The following PIBF1 variants were observed in gnomAD, a reference collection of about 807,000 sequenced individuals.
PIBF1 encodes the protein progesterone immunomodulatory binding factor 1.
PIBF1 carries 90 observed loss-of-function variants against 112.5 expected under a neutral mutation model. That is an observed-to-expected ratio of 0.80 (90% CI 0.67 to 0.95). PIBF1 has a LOEUF of 0.95. Among genes scored for constraint, PIBF1 ranks in the 40% least tolerant of loss-of-function variants. The probability of loss-of-function intolerance (pLI) is 0.00; values close to 1 mark genes in which losing one functional copy is unlikely to be tolerated. For missense variants in PIBF1, 915 were observed against 852.3 expected, an observed-to-expected ratio of 1.07 and a Z score of -0.92; for synonymous variants, 301 against 288.6, an observed-to-expected ratio of 1.04 and a Z score of -0.44.
chr13:73,010,805 C>CTTTTCT (rs2044173426), intron 17 of PIBF1, among the ~76,000 whole-genome samples: 53 of 52,592 alleles, frequency 1.0e-3, no homozygotes, highest in African/African-American at 4.6e-3. Flanking sequence ...AAATCATTAA[C>CTTTTCT]TTTTCTTTTT....
At chr13:72,870,933 A>G (rs1361279523) in intron 10 of PIBF1, among the ~76,000 whole-genome samples, 1 of 152,060 alleles carries the variant, frequency 6.6e-6, no homozygotes, top group African/African-American at 2.4e-5. Flanking sequence ...CAGAATAAAG[A>G]GCTTTTATTT....
chr13:72,844,789 A>ACACACACACACACACACG lies in PIBF1; in HGVS notation c.1224-9257_1224-9256insACACACGCACACACACAC, dbSNP rs1594035467. ...CACACACACACACACACACACACAC[A>ACACACACACACACACACG]CACACACACACGGATGAAGTCTTAC... On this transcript the variant is annotated intron_variant, in intron 9 of 17. Transcript: ENST00000326291. 1.0e-3 allele frequency among the ~76,000 whole-genome samples: 121 copies of ACACACACACACACACACG among 119,610 alleles called. 9 individuals are homozygous for ACACACACACACACACACG. Among genetic ancestry groups the ACACACACACACACACACG allele is most frequent in the African/African-American group, 4.0e-3 (104 of 26,304 alleles). The allele number at this position is 119,610 out of a possible 152,430, so 78.5% of individuals were successfully genotyped here. A position where few individuals can be genotyped will look rare whatever the true frequency, so the allele number is the denominator to read the frequency against.
chr13:72,962,454 C>G (rs1005290636), intron 14 of PIBF1, among the ~76,000 whole-genome samples: 1 of 151,956 alleles, frequency 6.6e-6, no homozygotes, highest in Non-Finnish European at 1.5e-5. Context: ...ATAAAATTAG[C>G]CGGGCATGGT....
chr13:72,913,393 G>A (rs185567987), intron 12 of PIBF1, among the ~76,000 whole-genome samples: 1 of 152,230 alleles, frequency 6.6e-6, no homozygotes, highest in Admixed American at 6.5e-5. Flanking sequence ...GTGTGCAAAT[G>A]TCCACAACTT....
At chr13:72,959,395 T>C (rs987498118) in intron 14 of PIBF1, among the ~76,000 whole-genome samples, 2 of 152,312 alleles carry the variant, frequency 1.3e-5, no homozygotes, top group South Asian at 2.1e-4. Flanking sequence ...CAGGCCTTTT[T>C]CATTCCTAGC....
intron 10 of PIBF1, among the ~76,000 whole-genome samples, chr13:72,868,828 TAAAAAAAAA>T (rs56290400): frequency 8.8e-6 from 1 of 114,270 alleles, no homozygotes; most frequent in Non-Finnish European, 1.8e-5. Flanking sequence ...TCCCAAAAAG[TAAAAAAAAA>T]AAAAAAAAAA....
chr13:72,842,522 A>G (rs1781246013), intron 9 of PIBF1, among the ~76,000 whole-genome samples: 1 of 152,230 alleles, frequency 6.6e-6, no homozygotes, highest in Non-Finnish European at 1.5e-5. Flanking sequence ...TTAATGATAT[A>G]AACTTGAAAT....
chr13:72,904,191 AT>A (rs1185338793), intron 11 of PIBF1, among the ~76,000 whole-genome samples: 1 of 151,346 alleles, frequency 6.6e-6, no homozygotes, highest in African/African-American at 2.4e-5. Flanking sequence ...ATGAAGGTTT[AT>A]TTTACAGTTA....
chr13:72,930,516 A>G (rs2041664794), intron 13 of PIBF1, among the ~76,000 whole-genome samples: 1 of 152,208 alleles, frequency 6.6e-6, no homozygotes, highest in Non-Finnish European at 1.5e-5. Context: ...ATTGTTTCTT[A>G]AAAGTAGAAT....
At position 72,792,442 on chromosome 13, in the gene PIBF1, C is replaced by T. The variant is rs748918738; in HGVS notation, c.253-5C>T. 13 of 1,489,806 alleles carry T rather than the reference C, an allele frequency of 8.7e-6. No individual in the cohort carries two copies. The highest frequency in any genetic ancestry group is 6.3e-5 in the South Asian group (5 of 78,924). 92.3% of individuals were successfully genotyped at this position (1,489,806 alleles called of 1,614,324 possible). A position where few individuals can be genotyped will look rare whatever the true frequency, so the allele number is the denominator to read the frequency against. ...CATATAATTTATCTTTTTCTCTTTACGAAGATTGAAGAATTGGAGGAGAAA... is the reference window on the plus strand; with the variant it reads ...CATATAATTTATCTTTTTCTCTTTATGAAGATTGAAGAATTGGAGGAGAAA... On this transcript the variant is annotated splice_region_variant and splice_polypyrimidine_tract_variant and intron_variant, in intron 2 of 17. Transcript: ENST00000326291.
At chr13:72,927,996 C>T (rs4391937) in intron 13 of PIBF1, among the ~76,000 whole-genome samples, 26,138 of 75,580 alleles carry the variant, frequency 0.35, 4,010 homozygotes, top group African/African-American at 0.45. Flanking sequence ...TATACACACA[C>T]ATATATATAC....
chr13:73,003,600 T>C (rs898468684), intron 17 of PIBF1, among the ~76,000 whole-genome samples: 4 of 152,052 alleles, frequency 2.6e-5, no homozygotes, highest in Non-Finnish European at 5.9e-5. Context: ...ATTTACTGAC[T>C]ATATGCAAGA....
intron 13 of PIBF1, among the ~76,000 whole-genome samples, chr13:72,927,949 A>ATATATATATG (rs1566457577): frequency 1.4e-5 from 1 of 72,368 alleles, no homozygotes; most frequent in African/African-American, 6.1e-5. Flanking sequence ...ATGTGTGTAT[A>ATATATATATG]TATATATATA....
intron 5 of PIBF1, among the ~76,000 whole-genome samples, chr13:72,812,204 A>G (rs748761232): frequency 1.1e-4 from 16 of 152,184 alleles, no homozygotes; most frequent in Non-Finnish European, 2.1e-4. Flanking sequence ...CTTGATCTGC[A>G]TAGTGTTTCT....
At chr13:72,981,973 A>G (rs1270906685) in intron 16 of PIBF1, among the ~76,000 whole-genome samples, 1 of 152,184 alleles carries the variant, frequency 6.6e-6, no homozygotes, top group Non-Finnish European at 1.5e-5. Context: ...CATTTTTGAG[A>G]CAATAATTTC....
chr13:72,785,379 C>T (rs146802855), intron 2 of PIBF1, among the ~76,000 whole-genome samples: 111 of 152,228 alleles, frequency 7.3e-4, no homozygotes, highest in African/African-American at 2.1e-3. Context: ...GCACTTAGAA[C>T]GGTGCCTGAC....
At chr13:72,931,360 C>A in intron 14 of PIBF1, 93 bp downstream of exon 14, 1 of 847,052 alleles carries the variant, frequency 1.2e-6, no homozygotes, top group Non-Finnish European at 1.9e-6. Context: ...TTAAAATAAG[C>A]TGTTTGCTAG....
At chr13:72,898,903 G>A (rs924886144) in intron 11 of PIBF1, among the ~76,000 whole-genome samples, 2 of 147,484 alleles carry the variant, frequency 1.4e-5, no homozygotes, top group Admixed American at 1.4e-4. Context: ...AAGAAAAGAA[G>A]AAAATCCAAA....
At chr13:72,970,232 T>A (rs1163789346) in intron 15 of PIBF1, among the ~76,000 whole-genome samples, 2 of 152,110 alleles carry the variant, frequency 1.3e-5, no homozygotes, top group Non-Finnish European at 2.9e-5. Flanking sequence ...AAGCTAACAT[T>A]TGAGATGTCA....
Sources: allele counts gnomAD v4.1 joint callset (sites outside exome capture counted in the v4.1 genomes callset), GRCh38; gene constraint gnomAD v4.1.1; transcripts MANE v1.5; gene names NCBI Gene and HGNC (gene_info 2026-07-23, HGNC 2026-07-21).